CTNNA2: variants seen among roughly 807,000 people sequenced by gnomAD.
CTNNA2 encodes the protein catenin alpha-2.
In CTNNA2, 42 loss-of-function variants were observed where a neutral mutation model predicts 101.0. The ratio of observed to expected loss-of-function variants is 0.42; its 90% CI spans 0.32 to 0.54. The LOEUF is 0.54. Ranked by LOEUF, CTNNA2 falls within the 20% of genes least tolerant of loss-of-function variation. The pLI is 0.14. For missense variants in CTNNA2, 871 were observed against 1,223.1 expected (o/e 0.71, Z 4.29); for synonymous variants, 450 against 456.4 (o/e 0.99, Z 0.18).
At position 79,389,980 on chromosome 2, in the gene CTNNA2, TAA is replaced by T. The variant is rs377442139; in HGVS notation, c.-135+15970_-135+15971del. Among the ~76,000 whole-genome samples the T allele has an allele frequency of 2.1e-3, 326 of 152,254 alleles. 1 individual carries two copies. Among genetic ancestry groups the T allele is most frequent in the African/African-American group, 7.4e-3 (306 of 41,562 alleles). On this transcript the variant is annotated intron_variant, in intron 4 of 21. Coordinates refer to the CTNNA2 transcript ENST00000466387. ...GCAGTACCTACTCCTTTAAAATATATAAAAGTCTAATTTTATCAGCCACCAGC... is the reference window on the plus strand; with the variant it reads ...GCAGTACCTACTCCTTTAAAATATATAAGTCTAATTTTATCAGCCACCAGC...
intron 6 of CTNNA2, among the ~76,000 whole-genome samples, chr2:79,887,567 A>T (rs1683974533): frequency 6.6e-6 from 1 of 152,088 alleles, no homozygotes. Context: ...ATATATTTTG[A>T]ATATTCTTAA....
chr2:80,367,273 A>G (rs960523572), intron 7 of CTNNA2, among the ~76,000 whole-genome samples: 11 of 152,250 alleles, frequency 7.2e-5, no homozygotes, highest in Admixed American at 6.5e-4. Context: ...AGAGTATACA[A>G]TGCGGTGTTG....
At chr2:80,434,202 A>G (rs746041045) in intron 9 of CTNNA2, among the ~76,000 whole-genome samples, 1 of 152,232 alleles carries the variant, frequency 6.6e-6, no homozygotes, top group Non-Finnish European at 1.5e-5. Context: ...GACAATTTCC[A>G]TGACAAGTTG....
chr2:80,294,854 A>G (rs1675604664), intron 7 of CTNNA2, among the ~76,000 whole-genome samples: 1 of 152,122 alleles, frequency 6.6e-6, no homozygotes, highest in Admixed American at 6.5e-5. Context: ...TCATAACACG[A>G]GGGAAAATAA....
intron 7 of CTNNA2, among the ~76,000 whole-genome samples, chr2:80,075,894 T>A (rs561465520): frequency 6.6e-6 from 1 of 151,480 alleles, no homozygotes; most frequent in South Asian, 2.1e-4. Context: ...CTTCATTGAC[T>A]ATGAAATGCT....
At chr2:80,499,154 T>C (rs1687682873) in intron 9 of CTNNA2, among the ~76,000 whole-genome samples, 1 of 152,184 alleles carries the variant, frequency 6.6e-6, no homozygotes, top group African/African-American at 2.4e-5. Context: ...TAATGATTCC[T>C]CTGGCCCCTA....
At chr2:80,228,671 G>T (rs996023482) in intron 7 of CTNNA2, among the ~76,000 whole-genome samples, 12 of 152,164 alleles carry the variant, frequency 7.9e-5, no homozygotes, top group Non-Finnish European at 1.2e-4. Flanking sequence ...CATTACAGGG[G>T]ATTCTGAGGT....
At chr2:79,706,362 C>CAAA (rs34157774) in intron 2 of CTNNA2, among the ~76,000 whole-genome samples, 15 of 77,972 alleles carry the variant, frequency 1.9e-4, no homozygotes, top group African/African-American at 3.6e-4. Context: ...GACTCCGTCT[C>CAAA]AAAAAAAAAA....
intron 18 of CTNNA2, among the ~76,000 whole-genome samples, chr2:80,634,625 C>CATGTAACAGGATCGTTCTG (rs1672672674): frequency 1.3e-5 from 2 of 151,720 alleles, no homozygotes; most frequent in African/African-American, 4.8e-5. Flanking sequence ...GGATCGTTCT[C>CATGTAACAGGATCGTTCTG]GCTTCCATTT....
intron 7 of CTNNA2, among the ~76,000 whole-genome samples, chr2:79,922,365 A>T (rs1376705761): frequency 6.6e-6 from 1 of 152,138 alleles, no homozygotes; most frequent in Admixed American, 6.6e-5. Flanking sequence ...GTTAGGAGGG[A>T]TCAGTCCTGT....
At chr2:80,553,864 A>G (rs530817098) in intron 11 of CTNNA2, among the ~76,000 whole-genome samples, 1 of 152,188 alleles carries the variant, frequency 6.6e-6, no homozygotes, top group Non-Finnish European at 1.5e-5. Flanking sequence ...CCTTTTAGGT[A>G]TATACTGTGT....
intron 3 of CTNNA2, among the ~76,000 whole-genome samples, chr2:79,795,660 G>A (rs1343173867): frequency 1.3e-5 from 2 of 152,040 alleles, no homozygotes; most frequent in African/African-American, 4.8e-5. Context: ...TCAAATATAT[G>A]TACAATATGT....
chr2:80,101,362 A>G (rs534864825), intron 7 of CTNNA2, among the ~76,000 whole-genome samples: 1 of 152,352 alleles, frequency 6.6e-6, no homozygotes, highest in South Asian at 2.1e-4. Context: ...TTGACACTGT[A>G]CATTATGATT....
intron 12 of CTNNA2, among the ~76,000 whole-genome samples, chr2:80,561,805 C>G (rs1057447714): frequency 4.7e-5 from 7 of 149,998 alleles, no homozygotes; most frequent in Admixed American, 2.7e-4. Flanking sequence ...TGATTACAGG[C>G]GGTCGCCACC....
intron 12 of CTNNA2, among the ~76,000 whole-genome samples, chr2:80,566,821 A>C (rs560592866): frequency 6.6e-6 from 1 of 152,338 alleles, no homozygotes; most frequent in South Asian, 2.1e-4. Flanking sequence ...AAAGGGAATA[A>C]AAAACTAATG....
At chr2:79,457,317 C>G (rs1432158464) in intron 4 of CTNNA2, among the ~76,000 whole-genome samples, 1 of 151,926 alleles carries the variant, frequency 6.6e-6, no homozygotes, top group South Asian at 2.1e-4. Flanking sequence ...GAAATTTTCC[C>G]TTTCCAAAGT....
At chr2:80,121,559 G>A (rs1211420614) in intron 7 of CTNNA2, among the ~76,000 whole-genome samples, 1 of 152,066 alleles carries the variant, frequency 6.6e-6, no homozygotes, top group African/African-American at 2.4e-5. Context: ...AAGGACCTAA[G>A]AAAACCTAAA....
At position 80,064,600 on chromosome 2, in the gene CTNNA2, G is replaced by A. The variant is rs191905790; in HGVS notation, c.1056+154803G>A. 2.3e-3 allele frequency among the ~76,000 whole-genome samples: 356 copies of A among 152,278 alleles called. 2 individuals carry two copies. The highest frequency in any genetic ancestry group is 8.1e-3 in the African/African-American group (336 of 41,562). ...CTGGATGGTTAAAGTTGGCCTAGTCGCATGACTGGTAGGTACCCAGCTGTT... is the reference window on the plus strand; with the variant it reads ...CTGGATGGTTAAAGTTGGCCTAGTCACATGACTGGTAGGTACCCAGCTGTT... On this transcript the variant is annotated intron_variant, in intron 7 of 18. Coordinates refer to ENST00000402739, the MANE Select transcript of CTNNA2 (RefSeq NM_001282597.3).
intron 7 of CTNNA2, among the ~76,000 whole-genome samples, chr2:80,077,427 G>A (rs537735841): frequency 3.3e-5 from 5 of 152,114 alleles, no homozygotes; most frequent in African/African-American, 1.2e-4. Flanking sequence ...ACAAGATGAA[G>A]TATTAGTCAA....
Sources: gnomAD v4.1 joint callset for allele counts (sites outside exome capture counted in the v4.1 genomes callset) on GRCh38, gnomAD v4.1.1 for gene constraint, MANE v1.5 for transcripts, NCBI Gene and HGNC (gene_info 2026-07-23, HGNC 2026-07-21) for gene names.